Variants in RPS6KC1 observed in about 807,000 individuals in gnomAD.
RPS6KC1 encodes the protein inactive ribosomal protein S6 kinase delta-1.
A neutral mutation model predicts 103.8 loss-of-function variants in RPS6KC1; 54 were observed. The ratio of observed to expected loss-of-function variants is 0.52; its 90% confidence interval spans 0.42 to 0.65. RPS6KC1 has a LOEUF of 0.65. Ranked by LOEUF, RPS6KC1 falls within the 30% of genes least tolerant of loss-of-function variation. The probability of loss-of-function intolerance (pLI) is 0.00; values close to 1 mark genes in which losing one functional copy is unlikely to be tolerated. For synonymous variants in RPS6KC1, 439 were observed against 438.7 expected (o/e 1.00, Z -0.01); for missense variants, 1,151 against 1,253.8 (o/e 0.92, Z 1.24).
At chr1:213,367,817 A>T in the RPS6KC1 span, among the ~76,000 whole-genome samples, 3 of 152,338 alleles carry the variant, frequency 2.0e-5, no homozygotes, top group East Asian at 1.9e-4. Flanking sequence ...GAGGGTAGAT[A>T]AGAAGAAGAA....
the RPS6KC1 span, among the ~76,000 whole-genome samples, chr1:213,489,945 T>C: frequency 6.6e-6 from 1 of 152,138 alleles, no homozygotes; most frequent in South Asian, 2.1e-4. Context: ...GCAGAGGGGC[T>C]GGTGGGAGAT....
At chr1:213,779,598 A>G in the RPS6KC1 span, among the ~76,000 whole-genome samples, 1 of 152,230 alleles carries the variant, frequency 6.6e-6, no homozygotes, top group Non-Finnish European at 1.5e-5. Context: ...GAATCACAAC[A>G]TAAGATCCAA....
At chr1:213,597,548 C>T in the RPS6KC1 span, among the ~76,000 whole-genome samples, 1 of 152,146 alleles carries the variant, frequency 6.6e-6, no homozygotes. Flanking sequence ...AATAAATCTC[C>T]ATGCTTAGGT....
the RPS6KC1 span, among the ~76,000 whole-genome samples, chr1:213,588,562 G>C: frequency 1.3e-5 from 2 of 152,108 alleles, no homozygotes; most frequent in Non-Finnish European, 2.9e-5. Flanking sequence ...GCCTCCCAAA[G>C]TGGTGGGATT....
the RPS6KC1 span, among the ~76,000 whole-genome samples, chr1:213,504,569 T>C: frequency 1.3e-5 from 2 of 152,234 alleles, no homozygotes; most frequent in African/African-American, 4.8e-5. Context: ...CTCAAGTAAT[T>C]GCCTAGTACA....
At chr1:213,768,605 G>T in the RPS6KC1 span, among the ~76,000 whole-genome samples, 1 of 152,190 alleles carries the variant, frequency 6.6e-6, no homozygotes, top group African/African-American at 2.4e-5. Context: ...TTACGGTTTG[G>T]CTAACAAAAC....
chr1:213,106,168 C>G (rs998684555), intron 4 of RPS6KC1, among the ~76,000 whole-genome samples: 10 of 151,514 alleles, frequency 6.6e-5, no homozygotes, highest in Non-Finnish European at 1.2e-4. Context: ...GCGTGCTAGG[C>G]GGGAACAGGA....
the RPS6KC1 span, among the ~76,000 whole-genome samples, chr1:213,414,676 A>G: frequency 1.3e-5 from 2 of 152,172 alleles, no homozygotes; most frequent in African/African-American, 2.4e-5. Flanking sequence ...GTTTCAGGCC[A>G]CCTGGTTTGA....
At chr1:213,370,219 C>T in the RPS6KC1 span, among the ~76,000 whole-genome samples, 4,656 of 150,380 alleles carry the variant, frequency 0.031, 254 homozygotes, top group African/African-American at 0.11. Flanking sequence ...ACAGTTTGGA[C>T]CTTACCTGCT....
At chr1:213,642,109 T>C in the RPS6KC1 span, among the ~76,000 whole-genome samples, 1 of 152,134 alleles carries the variant, frequency 6.6e-6, no homozygotes, top group African/African-American at 2.4e-5. Context: ...GGGTTTCTCC[T>C]GAAGCTCTTC....
the RPS6KC1 span, among the ~76,000 whole-genome samples, chr1:213,469,230 A>T: frequency 6.6e-6 from 1 of 152,166 alleles, no homozygotes; most frequent in Non-Finnish European, 1.5e-5. Flanking sequence ...GCTGAATAAG[A>T]TCTGATATGA....
At chr1:213,464,685 A>G in the RPS6KC1 span, among the ~76,000 whole-genome samples, 2 of 152,084 alleles carry the variant, frequency 1.3e-5, no homozygotes, top group Non-Finnish European at 2.9e-5. Flanking sequence ...TTAAGGCCAT[A>G]AATGTTCTTA....
At chr1:213,085,285 A>T (rs559452987) in intron 3 of RPS6KC1, among the ~76,000 whole-genome samples, 11 of 152,054 alleles carry the variant, frequency 7.2e-5, no homozygotes, top group African/African-American at 2.4e-4. Flanking sequence ...ATTGCCCTCG[A>T]CTCTCTTATA....
intron 6 of RPS6KC1, among the ~76,000 whole-genome samples, chr1:213,151,762 G>A (rs535580168): frequency 0.023 from 3,041 of 132,684 alleles, 227 homozygotes; most frequent in African/African-American, 0.089. Flanking sequence ...CGGACGAGGC[G>A]GCTGGCCTGG....
the RPS6KC1 span, among the ~76,000 whole-genome samples, chr1:213,598,791 C>T: frequency 6.6e-6 from 1 of 152,040 alleles, no homozygotes; most frequent in African/African-American, 2.4e-5. Context: ...GATGGTGGCA[C>T]ATGCCTGTAA....
chr1:213,122,503 T>C (rs1303881890), intron 5 of RPS6KC1, among the ~76,000 whole-genome samples: 2 of 152,200 alleles, frequency 1.3e-5, no homozygotes, highest in Non-Finnish European at 2.9e-5. Context: ...GGTTACTTAA[T>C]AACCTAAATC....
chr1:213,664,487 T>G, the RPS6KC1 span, among the ~76,000 whole-genome samples: 2 of 152,340 alleles, frequency 1.3e-5, no homozygotes, highest in East Asian at 3.9e-4. Context: ...CTCTCTAGTA[T>G]GCCCCTTCTG....
the RPS6KC1 span, among the ~76,000 whole-genome samples, chr1:213,559,499 A>G: frequency 3.3e-5 from 5 of 152,218 alleles, no homozygotes; most frequent in Non-Finnish European, 5.9e-5. Flanking sequence ...ACAATGGAGA[A>G]TGATAGGACC....
At chr1:213,740,331 A>G in the RPS6KC1 span, among the ~76,000 whole-genome samples, 4 of 152,184 alleles carry the variant, frequency 2.6e-5, no homozygotes, top group African/African-American at 7.2e-5. Context: ...GTTAAAATTT[A>G]TGGAACTGTA....
Sources: allele counts gnomAD v4.1 joint callset (sites outside exome capture counted in the v4.1 genomes callset), GRCh38; gene constraint gnomAD v4.1.1; transcripts MANE v1.5; gene names NCBI Gene and HGNC (gene_info 2026-07-23, HGNC 2026-07-21).